Variants in TET3 observed in about 807,000 individuals in gnomAD.
The protein encoded by TET3 is methylcytosine dioxygenase TET3.
Under a neutral mutation model 141.4 loss-of-function variants are expected in TET3, and 19 were observed. That is an observed-to-expected ratio of 0.13 (90% CI 0.09 to 0.20). TET3 has a LOEUF of 0.20. Among genes scored for constraint, TET3 ranks in the 10% least tolerant of loss-of-function variants. The probability of loss-of-function intolerance (pLI) is 1.00; values close to 1 mark genes in which losing one functional copy is unlikely to be tolerated. For missense variants in TET3, 1,874 were observed against 2,356.9 expected, an observed-to-expected ratio of 0.80 and a Z score of 4.24; for synonymous variants, 1,043 against 980.9, an observed-to-expected ratio of 1.06 and a Z score of -1.18.
At position 74,073,648 on chromosome 2, in the gene TET3, T is replaced by TA; in HGVS notation, c.2585+10dup. 1 of 1,599,518 alleles carries TA rather than the reference T, an allele frequency of 6.3e-7. No homozygotes were observed. The highest frequency in any genetic ancestry group is 8.5e-7 in the Non-Finnish European group (1 of 1,172,776). Reference sequence around the variant, plus strand: ...GAACTCATGGAGGAGCGGTGAGTGATACACAGATGTCCAAGGAGAAATGGA... The same window carrying TA: ...GAACTCATGGAGGAGCGGTGAGTGATAACACAGATGTCCAAGGAGAAATGGA... On this transcript the variant is annotated intron_variant, in intron 5 of 11. Transcript: ENST00000409262.
At chr2:74,086,375 C>T (rs747516418) in intron 6 of TET3, among the ~76,000 whole-genome samples, 2 of 149,722 alleles carry the variant, frequency 1.3e-5, no homozygotes, top group Non-Finnish European at 3.0e-5. Context: ...CCAGGGCTCT[C>T]GCTTAAAAAA....
At chr2:74,032,115 GTCC>G (rs1402116094) in intron 3 of TET3, among the ~76,000 whole-genome samples, 1 of 152,090 alleles carries the variant, frequency 6.6e-6, no homozygotes, top group East Asian at 1.9e-4. Flanking sequence ...GTGGGCTGCT[GTCC>G]TCCTTCTCTA....
chr2:74,046,412 C>T lies in TET3; in HGVS notation c.495C>T (p.Pro165=). ...ATGGTGCTAGAGAGCCCGCTGGACC[C>T]AGTCTGCTGGGGACTGGGGGTCCTT... ...PVNGAREPAG[P]SLLGTGGPWR... Residue 165 remains proline (P), a synonymous_variant, in exon 4 of 12, where the codon CCC becomes CCT. Coordinates refer to ENST00000409262, the MANE Select transcript of TET3 (RefSeq NM_001287491.2). This position sits in a 1 kb window ranked among gnomAD's most constrained non-coding sequence, Gnocchi z 4.3. 6.3e-7 allele frequency: 1 copy of T among 1,579,700 alleles called. No individual in the cohort carries two copies. Among genetic ancestry groups the T allele is most frequent in the South Asian group, 1.2e-5 (1 of 84,566 alleles).
chr2:73,989,056 A>G (rs1161248889), intron 2 of TET3, among the ~76,000 whole-genome samples: 2 of 137,494 alleles, frequency 1.5e-5, no homozygotes, highest in African/African-American at 5.8e-5. Context: ...TGTCTAGGGT[A>G]TACCACATTT....
chr2:74,058,627 G>A (rs930205100), intron 4 of TET3, among the ~76,000 whole-genome samples: 1 of 150,556 alleles, frequency 6.6e-6, no homozygotes, highest in Non-Finnish European at 1.5e-5. Context: ...AAAACATTTT[G>A]TATTGAAATA....
chr2:74,088,528 C>G (rs896024856), intron 7 of TET3, among the ~76,000 whole-genome samples: 1 of 152,088 alleles, frequency 6.6e-6, no homozygotes, highest in Non-Finnish European at 1.5e-5. Context: ...GTAGTCCCAG[C>G]TACTCGGGAG....
At chr2:74,086,099 C>T (rs915777486) in intron 6 of TET3, among the ~76,000 whole-genome samples, 14 of 152,240 alleles carry the variant, frequency 9.2e-5, no homozygotes, top group South Asian at 2.1e-4. Flanking sequence ...CACCATCCTG[C>T]GTGGAGTTCC....
chr2:74,002,372 C>T (rs1048229024), intron 2 of TET3, among the ~76,000 whole-genome samples: 2 of 149,812 alleles, frequency 1.3e-5, no homozygotes, highest in African/African-American at 4.9e-5. Flanking sequence ...TCCCCCCCCA[C>T]CCCCCCGGCG....
At chr2:74,125,230 C>T in the TET3 span, among the ~76,000 whole-genome samples, 2 of 152,202 alleles carry the variant, frequency 1.3e-5, no homozygotes, top group Non-Finnish European at 2.9e-5. Flanking sequence ...GATCTGCCTG[C>T]CTCGGCCTCC....
At chr2:74,074,641 T>C (rs900328321) in intron 5 of TET3, among the ~76,000 whole-genome samples, 4 of 152,228 alleles carry the variant, frequency 2.6e-5, no homozygotes, top group Non-Finnish European at 4.4e-5. Context: ...CCCTAGCAAG[T>C]TGTTCTGCTC....
chr2:74,052,470 T>A (rs1472775800), intron 4 of TET3, among the ~76,000 whole-genome samples: 2 of 143,612 alleles, frequency 1.4e-5, no homozygotes, highest in South Asian at 4.3e-4. Context: ...GAAGTGGGGG[T>A]GAAATATGGA....
In TET3 at chr2:74,103,058, G is replaced by A. The variant is rs1282458932; in HGVS notation, c.*882G>A. On this transcript the variant is annotated 3_prime_UTR_variant, in exon 12 of 12. Coordinates refer to ENST00000409262, the MANE Select transcript of TET3 (RefSeq NM_001287491.2). ...CATGGTTCACTAGGCAGCACCTCAC[G>A]CTGGAGCTGGAGTGCGAGGTTCTTA... The A allele has an allele frequency of 1.3e-5, 2 of 152,224 alleles. No individual in the cohort carries two copies. The highest frequency in any genetic ancestry group is 2.4e-5 in the African/African-American group (1 of 41,446). The allele number at this position is 152,224 out of a possible 1,614,324, so 9.4% of individuals were successfully genotyped here.
At position 74,048,394 on chromosome 2, in the gene TET3, C is replaced by T. The variant is rs1451266679; in HGVS notation, c.2477C>T (p.Pro826Leu). 6.2e-7 allele frequency: 1 copy of T among 1,608,676 alleles called. No individual in the cohort carries two copies. ...GCCAAGAGAGCCCAGGCCGAGTTCCCCACCTGCGATTGCGTCGGTAAGTCC... is the reference window on the plus strand; with the variant it reads ...GCCAAGAGAGCCCAGGCCGAGTTCCTCACCTGCGATTGCGTCGGTAAGTCC... ...TPAKRAQAEF[P>L]TCDCVEQIVE... The change falls in exon 4 of 12, where the codon CCC (proline) becomes CTC (leucine). Residue 826 changes from proline (P) to leucine (L), a missense_variant. Transcript: ENST00000409262.
chr2:73,991,540 C>T (rs560840421), intron 2 of TET3, among the ~76,000 whole-genome samples: 4 of 152,098 alleles, frequency 2.6e-5, no homozygotes, highest in Non-Finnish European at 4.4e-5. Flanking sequence ...GCCACTGATA[C>T]GACTGCCCTG....
In TET3 at chr2:74,048,774, A is replaced by G. The variant is rs184678034; in HGVS notation, c.2494+363A>G. On this transcript the variant is annotated intron_variant, in intron 4 of 11. Coordinates refer to ENST00000409262, the MANE Select transcript of TET3 (RefSeq NM_001287491.2). ...TAGCTTGGGCAACAGCTTAGTGGCT[A>G]TGAGGGAGTGGAACTTACTTGGACT... 4.6e-5 allele frequency among the ~76,000 whole-genome samples: 7 copies of G among 152,284 alleles called. No homozygotes were observed. In the East Asian group the frequency reaches 1.4e-3, roughly 29 times the overall value.
At chr2:74,091,819 G>C (rs1229885850) in intron 8 of TET3, among the ~76,000 whole-genome samples, 2 of 152,266 alleles carry the variant, frequency 1.3e-5, no homozygotes, top group Non-Finnish European at 2.9e-5. Flanking sequence ...GGGCCAGACA[G>C]AGGCTGTGGA....
chr2:74,057,524 G>A (rs1014684834), intron 4 of TET3, among the ~76,000 whole-genome samples: 7 of 152,232 alleles, frequency 4.6e-5, no homozygotes, highest in African/African-American at 1.7e-4. Flanking sequence ...GTAAACAGGA[G>A]TAAGGAAATT....
rs1372904919 is a variant in TET3 at position 74,093,798 on chromosome 2, C to CCCTGCAAGACGGCCTG, written c.3267+136_3267+151dup. 1.7e-6 allele frequency: 2 copies of CCCTGCAAGACGGCCTG among 1,210,100 alleles called. No homozygotes were observed. Among genetic ancestry groups the CCCTGCAAGACGGCCTG allele is most frequent in the Admixed American group, 3.2e-5 (1 of 30,976 alleles). The allele number at this position is 1,210,100 out of a possible 1,614,324, so 75.0% of individuals were successfully genotyped here. ...AGGATCCTCAGAACTCTGGAAGGTT[C>CCCTGCAAGACGGCCTG]CCTGCAAGACGGCCTGCCTTCGCCC... On this transcript the variant is annotated intron_variant, in intron 10 of 11. Transcript: ENST00000409262. The surrounding 1 kb of genome is among the most constrained non-coding windows in gnomAD (Gnocchi z 4.2).
chr2:74,105,125 A>C lies in TET3; in HGVS notation c.*2949A>C. The C allele has an allele frequency of 2.5e-6, 1 of 398,646 alleles. No individual in the cohort carries two copies. Among genetic ancestry groups the C allele is most frequent in the Non-Finnish European group, 4.4e-6 (1 of 226,074 alleles). The allele number at this position is 398,646 out of a possible 1,614,324, so 24.7% of individuals were successfully genotyped here. A position where few individuals can be genotyped will look rare whatever the true frequency, so the allele number is the denominator to read the frequency against. On this transcript the variant is annotated 3_prime_UTR_variant, in exon 12 of 12. Transcript: ENST00000409262. The stretch of plus-strand genomic sequence containing the variant: ...GGCACTATCATTTTTTAAGTCCTAA[A>C]GATGATTAACAGACATTTTTATCAT...
Sources: gnomAD v4.1 joint callset for allele counts (sites outside exome capture counted in the v4.1 genomes callset) on GRCh38, gnomAD v4.1.1 for gene constraint, Gnocchi (gnomAD v3.1) non-coding constraint, MANE v1.5 for transcripts, NCBI Gene and HGNC (gene_info 2026-07-23, HGNC 2026-07-21) for gene names.